The following ZNF850 variants were observed in gnomAD, a reference collection of about 807,000 sequenced individuals.
The protein encoded by ZNF850 is zinc finger protein 850, also known as putative zinc finger protein ENSP00000330994.
A neutral mutation model predicts 11.9 loss-of-function variants in ZNF850; 2 were observed. The ratio of observed to expected loss-of-function variants is 0.17; its 90% CI spans 0.07 to 0.53. The LOEUF (loss-of-function observed/expected upper bound fraction) is 0.53, where lower values mean the gene tolerates loss of function less well. ZNF850 is among the 20% of genes least tolerant of loss of function. The probability of loss-of-function intolerance (pLI) is 0.94; values close to 1 mark genes in which losing one functional copy is unlikely to be tolerated. For synonymous variants in ZNF850, 381 were observed against 443.0 expected (o/e 0.86, Z 1.76); for missense variants, 1,014 against 1,316.4 (o/e 0.77, Z 3.55).
rs1172199538 is a variant in ZNF850, at chr19:36,758,905, C to T, written c.235+2738G>A. On this transcript the variant is annotated intron_variant, in intron 4 of 4. Transcript: ENST00000591344. Reference sequence around the variant, plus strand: ...CATCCTGGCCAATGTGGTGAAACCCCATCTCAACTAAAAATACAAAAAAAA... The same window carrying T: ...CATCCTGGCCAATGTGGTGAAACCCTATCTCAACTAAAAATACAAAAAAAA... Among the ~76,000 whole-genome samples the T allele has an allele frequency of 9.9e-5, 13 of 131,598 alleles. 1 individual carries two copies. Among genetic ancestry groups the T allele is most frequent in the Non-Finnish European group, 1.6e-5 (1 of 61,700 alleles). The allele number at this position is 131,598 out of a possible 152,430, so 86.3% of individuals were successfully genotyped here.
Position 36,761,722 on chromosome 19 carries a change from C to T in ZNF850, c.156G>A (p.Lys52=). 1 of 1,550,054 alleles carries T rather than the reference C, an allele frequency of 6.5e-7. No individual in the cohort carries two copies. The highest frequency in any genetic ancestry group is 1.4e-5 in the African/African-American group (1 of 73,814). ...SLVSLGLSIP[K]PDVISLLEQG... is the part of the protein sequence containing the mutation. ...GCTCCAGTAAGGAAATCACATCAGGCTTTGGGATAGAGAGACCTGTTTATA... is the reference window on the plus strand; with the variant it reads ...GCTCCAGTAAGGAAATCACATCAGGTTTTGGGATAGAGAGACCTGTTTATA... Residue 52 remains lysine (K), a synonymous_variant, in exon 4 of 5, where the codon AAG becomes AAA. Transcript: ENST00000591344.
At chr19:36,770,084 G>C (rs567031027) in intron 1 of ZNF850, among the ~76,000 whole-genome samples, 125 of 152,346 alleles carry the variant, frequency 8.2e-4, no homozygotes, top group Non-Finnish European at 1.4e-3. Flanking sequence ...AAAGGATACA[G>C]ATGAAGAGAT....
chr19:36,749,203 C>A lies in ZNF850; in HGVS notation c.1837G>T (p.Gly613Cys). ...TLLQHQQIHT[G>C]EKPYDCKECG... ...TCCTTACAATCATAAGGTTTCTCAC[C>A]AGTGTGAATTTGCTGATGTTGAAGT... Residue 613 changes from glycine (G) to cysteine (C), a missense_variant, in exon 5 of 5, where the codon GGT becomes TGT. Transcript: ENST00000591344. The A allele has an allele frequency of 6.2e-7, 1 of 1,603,368 alleles. No individual in the cohort carries two copies. Among genetic ancestry groups the A allele is most frequent in the Non-Finnish European group, 8.5e-7 (1 of 1,176,628 alleles).
At chr19:36,750,866 T>A in intron 4 of ZNF850, 62 bp from the exon 5 acceptor site, 1 of 1,421,442 alleles carries the variant, frequency 7.0e-7, no homozygotes, top group Non-Finnish European at 9.2e-7. Flanking sequence ...TAAAAACATC[T>A]ATGGTAGAAA....
chr19:36,762,949 G>A (rs1368980691), intron 1 of ZNF850, among the ~76,000 whole-genome samples: 1 of 151,722 alleles, frequency 6.6e-6, no homozygotes, highest in Non-Finnish European at 1.5e-5. Flanking sequence ...GGAGTGCAGT[G>A]GCATGATCAC....
intron 4 of ZNF850, among the ~76,000 whole-genome samples, chr19:36,757,455 T>G (rs1386823159): frequency 6.7e-6 from 1 of 150,286 alleles, no homozygotes; most frequent in African/African-American, 2.4e-5. Flanking sequence ...AATAATGAAG[T>G]AGAAAAGATG....
In ZNF850 at chr19:36,743,566, C is replaced by CTAAAG. The variant is rs898734202; in HGVS notation, c.*4196_*4200dup. On this transcript the variant is annotated 3_prime_UTR_variant, in exon 5 of 5. Coordinates refer to ENST00000591344, the MANE Select transcript of ZNF850 (RefSeq NM_001193552.2). ...TCTCATGAAGAAACCATTTCATCTA[C>CTAAAG]TAAAGTAGTTCATCAATGTTACAAT... 1 of 152,108 alleles carries CTAAAG rather than the reference C, an allele frequency of 6.6e-6. No individual in the cohort carries two copies. Among genetic ancestry groups the CTAAAG allele is most frequent in the Admixed American group, 6.6e-5 (1 of 15,252 alleles). The allele number at this position is 152,108 out of a possible 1,614,324, so 9.4% of individuals were successfully genotyped here. A position where few individuals can be genotyped will look rare whatever the true frequency, so the allele number is the denominator to read the frequency against.
intron 1 of ZNF850, among the ~76,000 whole-genome samples, chr19:36,769,737 C>G (rs1459868693): frequency 6.6e-6 from 1 of 152,220 alleles, no homozygotes; most frequent in East Asian, 1.9e-4. Flanking sequence ...CCACAACAAT[C>G]AAACCAGAAG....
At position 36,747,626 on chromosome 19, in the gene ZNF850, A is replaced by G; in HGVS notation, c.*141T>C. 2 of 893,568 alleles carry G rather than the reference A, an allele frequency of 2.2e-6. No homozygotes were observed. Among genetic ancestry groups the G allele is most frequent in the East Asian group, 5.4e-5 (2 of 36,964 alleles). The allele number at this position is 893,568 out of a possible 1,614,324, so 55.4% of individuals were successfully genotyped here. On this transcript the variant is annotated 3_prime_UTR_variant, in exon 5 of 5. Coordinates refer to ENST00000591344, the MANE Select transcript of ZNF850 (RefSeq NM_001193552.2). ...ACTCCAGCCTGGGCGACAGAGCAAG[A>G]CTCCGTCTCAAAAAAAAAAAAAAAA...
At position 36,744,796 on chromosome 19, in the gene ZNF850, C is replaced by T. The variant is rs2040401601; in HGVS notation, c.*2971G>A. ...TTTGATTTGTTTCCATAAATTGAGA[C>T]AAACCTCAACTGACTACAAATTGAG... On this transcript the variant is annotated 3_prime_UTR_variant, in exon 5 of 5. Transcript: ENST00000591344. 1 of 152,074 alleles carries T rather than the reference C, an allele frequency of 6.6e-6. No homozygotes were observed. Among genetic ancestry groups the T allele is most frequent in the Admixed American group, 6.6e-5 (1 of 15,254 alleles). 9.4% of individuals were successfully genotyped at this position (152,074 alleles called of 1,614,324 possible).
chr19:36,749,502 G>C lies in ZNF850; in HGVS notation c.1538C>G (p.Ser513Cys), dbSNP rs1265070227. ...KPYNCKECGK[S>C]FASGSALLQH... Reference sequence around the variant, plus strand: ...AAGTAGTGCTGAGCCAGAAGCAAAAGATTTTCCACATTCTTTACAATTATA... The same window carrying C: ...AAGTAGTGCTGAGCCAGAAGCAAAACATTTTCCACATTCTTTACAATTATA... The change falls in exon 5 of 5, where the codon TCT (serine) becomes TGT (cysteine). Residue 513 changes from serine to cysteine, a missense_variant. Ser to Cys is a moderately radical substitution (Grantham distance 112, BLOSUM62 -1). Coordinates refer to ENST00000591344, the MANE Select transcript of ZNF850 (RefSeq NM_001193552.2). 1 of 1,546,778 alleles carries C rather than the reference G, an allele frequency of 6.5e-7. No homozygotes were observed.
chr19:36,767,713 G>T (rs936922483), intron 1 of ZNF850, among the ~76,000 whole-genome samples: 2 of 151,086 alleles, frequency 1.3e-5, no homozygotes, highest in African/African-American at 4.9e-5. Context: ...TGGGTGACAA[G>T]AGCGAGAATC....
rs1436028563 is a variant in ZNF850 at position 36,748,155 on chromosome 19, A to G, written c.2885T>C (p.Phe962Ser). The G allele has an allele frequency of 6.4e-7, 1 of 1,551,782 alleles. No individual in the cohort carries two copies. Among genetic ancestry groups the G allele is most frequent in the East Asian group, 2.4e-5 (1 of 41,262 alleles). The change falls in exon 5 of 5, where the codon TTC (phenylalanine) becomes TCC (serine). Residue 962 changes from phenylalanine to serine, a missense_variant. Around this residue, in one of 2 missense-constraint regions of ZNF850, gnomAD observed 179 missense variants for 294.4 expected, o/e 0.61. Transcript: ENST00000591344. ...PYECKTCGKSFRQRTHLTLHQ... is the reference protein window; with the variant it reads ...PYECKTCGKSSRQRTHLTLHQ... ...TAGAGTAAGGTGTGTACGCTGTCTGAAGGACTTCCCACATGTCTTACATTC... is the reference window on the plus strand; with the variant it reads ...TAGAGTAAGGTGTGTACGCTGTCTGGAGGACTTCCCACATGTCTTACATTC...
intron 4 of ZNF850, among the ~76,000 whole-genome samples, chr19:36,760,199 A>G (rs1461073299): frequency 6.6e-6 from 1 of 152,134 alleles, no homozygotes; most frequent in Non-Finnish European, 1.5e-5. Context: ...TAATCCTAGC[A>G]CTTTGGGAGG....
chr19:36,764,502 C>T (rs914625169), intron 1 of ZNF850, among the ~76,000 whole-genome samples: 1 of 152,156 alleles, frequency 6.6e-6, no homozygotes. Flanking sequence ...TATAGCCATT[C>T]TCCTGAGAGA....
intron 4 of ZNF850, among the ~76,000 whole-genome samples, chr19:36,752,476 T>C (rs890795682): frequency 2.0e-5 from 3 of 152,182 alleles, no homozygotes; most frequent in African/African-American, 7.2e-5. Flanking sequence ...TGTAATGTAA[T>C]TACAATAAAT....
intron 1 of ZNF850, among the ~76,000 whole-genome samples, chr19:36,769,549 G>A (rs373826697): frequency 6.6e-6 from 1 of 151,950 alleles, no homozygotes; most frequent in Admixed American, 6.6e-5. Flanking sequence ...GCAATGAGCC[G>A]AGATCGTGCC....
chr19:36,772,171 G>A (rs1370706184), intron 1 of ZNF850, among the ~76,000 whole-genome samples: 1 of 152,172 alleles, frequency 6.6e-6, no homozygotes, highest in Non-Finnish European at 1.5e-5. Flanking sequence ...AATGTCTTCA[G>A]GACAACCCCC....
intron 4 of ZNF850, among the ~76,000 whole-genome samples, chr19:36,755,561 T>G (rs11882111): frequency 6.6e-6 from 1 of 151,912 alleles, no homozygotes; most frequent in African/African-American, 2.4e-5. Flanking sequence ...ATAAAAATTG[T>G]ATCATGGGCC....
Sources: allele counts gnomAD v4.1 joint callset (sites outside exome capture counted in the v4.1 genomes callset), GRCh38; gene constraint gnomAD v4.1.1; regional missense constraint gnomAD v4.1.1; transcripts MANE v1.5; gene names NCBI Gene and HGNC (gene_info 2026-07-23, HGNC 2026-07-21).